FGG: variants seen among roughly 807,000 people sequenced by gnomAD.
FGG encodes the protein fibrinogen, gamma polypeptide.
In FGG, 20 loss-of-function variants were observed where a neutral mutation model predicts 51.7. The observed-to-expected ratio is 0.39, with a 90% CI of 0.27 to 0.56. The LOEUF (loss-of-function observed/expected upper bound fraction) is 0.56, where lower values mean the gene tolerates loss of function less well. Among genes scored for constraint, FGG ranks in the 20% least tolerant of loss-of-function variants. The pLI, the probability that FGG is intolerant of heterozygous loss-of-function variation, is 0.64. For missense variants in FGG, 460 were observed against 534.2 expected (o/e 0.86, Z 1.37); for synonymous variants, 184 against 184.7 (o/e 1.00, Z 0.03).
In FGG at chr4:154,612,210, A is replaced by T. The variant is rs772079391; in HGVS notation, c.124-9T>A. 1 of 1,609,404 alleles carries T rather than the reference A, an allele frequency of 6.2e-7. No homozygotes were observed. On this transcript the variant is annotated splice_polypyrimidine_tract_variant and intron_variant, in intron 2 of 8. Transcript: ENST00000336098. ...GTTGGACAATAACTACCCTGAAAAT[A>T]TAACAGTGATTAAAAATGTAGACAG...
intron 5 of FGG, 51 bp from the exon 6 acceptor site, chr4:154,609,814 G>A (rs1273170391): frequency 1.2e-6 from 2 of 1,613,338 alleles, no homozygotes; most frequent in African/African-American, 2.7e-5. Context: ...AGGTAAGACT[G>A]TGCCAGCCTT....
chr4:154,607,042 C>T (rs1332577069), intron 7 of FGG, 60 bp from the exon 8 acceptor site: 2 of 1,496,948 alleles, frequency 1.3e-6, no homozygotes, highest in Non-Finnish European at 1.8e-6. Flanking sequence ...TCAGAAGTTC[C>T]CTCTTTCGTA....
chr4:154,604,562 A>G lies in FGG; in HGVS notation c.*272T>C. ...ATTTACGAAGACAAAATAAATGACA[A>G]GTGGTCATAAAAATGCAAATAAAGT... On this transcript the variant is annotated 3_prime_UTR_variant, in exon 9 of 9. Coordinates refer to ENST00000336098, the MANE Select transcript of FGG (RefSeq NM_021870.3). 1 of 1,155,206 alleles carries G rather than the reference A, an allele frequency of 8.7e-7. No homozygotes were observed. The highest frequency in any genetic ancestry group is 3.0e-4 in the Middle Eastern group (1 of 3,318). 71.6% of individuals were successfully genotyped at this position (1,155,206 alleles called of 1,614,324 possible).
In FGG at chr4:154,612,611, A is replaced by T. The variant is rs1471249848; in HGVS notation, c.-2T>A. 7 of 1,613,628 alleles carry T rather than the reference A, an allele frequency of 4.3e-6. No homozygotes were observed. The highest frequency in any genetic ancestry group is 5.9e-6 in the Non-Finnish European group (7 of 1,179,746). The stretch of plus-strand genomic sequence containing the variant: ...CCGGGGGTGCAAGGACCAACTCATG[A>T]TGTCTGAGTGCCCGGAGCTCCGAGC... On this transcript the variant is annotated 5_prime_UTR_variant, in exon 1 of 9. Coordinates refer to ENST00000336098, the MANE Select transcript of FGG (RefSeq NM_021870.3).
chr4:154,612,134 T>C lies in FGG; in HGVS notation c.191A>G (p.Lys64Arg), dbSNP rs1465420768. 4.3e-6 allele frequency: 7 copies of C among 1,612,284 alleles called. No individual in the cohort carries two copies. Among genetic ancestry groups the C allele is most frequent in the Non-Finnish European group, 5.9e-6 (7 of 1,179,384 alleles). ...FLSTYQTKVDKDLQSLEDILH... is the reference protein window; with the variant it reads ...FLSTYQTKVDRDLQSLEDILH... The stretch of plus-strand genomic sequence containing the variant: ...GATGTCTTCCAAAGACTGTAGATCC[T>C]TGTCTACTTTGGTTTGATAAGTAGA... The change falls in exon 3 of 9, where the codon AAG becomes AGG. Residue 64 changes from lysine (K) to arginine (R), a missense_variant. By Grantham distance (26) the Lys-to-Arg change is conservative. This residue lies in a region of FGG where 353 missense variants were observed against 391.7 expected (regional missense o/e 0.90). Coordinates refer to ENST00000336098, the MANE Select transcript of FGG (RefSeq NM_021870.3).
Position 154,612,592 on chromosome 4 carries a change from G to A in FGG, c.18C>T (p.His6=), listed in dbSNP as rs756496862. The stretch of plus-strand genomic sequence containing the variant: ...AGAAGTAGAGAATTAAATTCCGGGG[G>A]TGCAAGGACCAACTCATGATGTCTG... The part of the protein sequence containing the change: MSWSL[H]PRNLILYFYA... Residue 6 remains histidine, a synonymous_variant, in exon 1 of 9, where the codon CAC becomes CAT. Coordinates refer to ENST00000336098, the MANE Select transcript of FGG (RefSeq NM_021870.3). 6.2e-7 allele frequency: 1 copy of A among 1,613,798 alleles called. No homozygotes were observed.
At chr4:154,609,543 G>A (rs1046196207) in intron 6 of FGG, 87 bp downstream of exon 6, 16 of 1,489,802 alleles carry the variant, frequency 1.1e-5, no homozygotes, top group African/African-American at 2.8e-5. Flanking sequence ...AATGAGCTAC[G>A]GTTCACAAGG....
Position 154,612,130 on chromosome 4 carries a change from A to T in FGG, c.195T>A (p.Asp65Glu), listed in dbSNP as rs563975687. The T allele has an allele frequency of 3.7e-6, 6 of 1,612,422 alleles. No homozygotes were observed. In the South Asian group the frequency reaches 6.6e-5, roughly 18 times the overall value. Residue 65 changes from aspartate (D) to glutamate (E), a missense_variant, in exon 3 of 9, where the codon GAT (aspartate) becomes GAA (glutamate). Around this residue, in one of 3 missense-constraint regions of FGG, gnomAD observed 353 missense variants for 391.7 expected, o/e 0.90. Transcript: ENST00000336098. ...GTAAGATGTCTTCCAAAGACTGTAG[A>T]TCCTTGTCTACTTTGGTTTGATAAG... ...LSTYQTKVDK[D>E]LQSLEDILHQ...
intron 5 of FGG, 69 bp from the exon 6 acceptor site, chr4:154,609,832 A>G: frequency 1.9e-6 from 3 of 1,605,866 alleles, no homozygotes; most frequent in Non-Finnish European, 2.6e-6. Context: ...CTTGAAAAAT[A>G]GCTTTTAACA....
At position 154,612,575 on chromosome 4, in the gene FGG, A is replaced by G. The variant is rs11551852; in HGVS notation, c.35T>C (p.Leu12Pro). The G allele has an allele frequency of 1.2e-6, 2 of 1,614,018 alleles. No individual in the cohort carries two copies. The highest frequency in any genetic ancestry group is 1.7e-6 in the Non-Finnish European group (2 of 1,179,916). ...GAGAAATAAAAGAGCATAGAAGTAG[A>G]GAATTAAATTCCGGGGGTGCAAGGA... ...SWSLHPRNLILYFYALLFLSS... is the reference protein window; with the variant it reads ...SWSLHPRNLIPYFYALLFLSS... The change falls in exon 1 of 9, where the codon CTC (leucine) becomes CCC (proline). Residue 12 changes from leucine to proline, a missense_variant. Transcript: ENST00000336098.
In FGG at chr4:154,612,148, T is replaced by C. The variant is rs781702629; in HGVS notation, c.177A>G (p.Gln59=). ...CGIADFLSTY[Q]TKVDKDLQSL... ...ACTGTAGATCCTTGTCTACTTTGGT[T>C]TGATAAGTAGACAGGAAATCTGCAA... The change falls in exon 3 of 9, where the codon CAA becomes CAG. Residue 59 remains glutamine, a synonymous_variant. Coordinates refer to ENST00000336098, the MANE Select transcript of FGG (RefSeq NM_021870.3). 1.9e-6 allele frequency: 3 copies of C among 1,611,936 alleles called. No homozygotes were observed. The highest frequency in any genetic ancestry group is 2.5e-6 in the Non-Finnish European group (3 of 1,179,164).
In FGG at chr4:154,612,566, T is replaced by C. The variant is rs1578813272; in HGVS notation, c.44A>G (p.Tyr15Cys). The C allele has an allele frequency of 6.2e-7, 1 of 1,613,858 alleles. No homozygotes were observed. The highest frequency in any genetic ancestry group is 1.1e-5 in the South Asian group (1 of 91,088). ...TGTTGAAGAGAGAAATAAAAGAGCA[T>C]AGAAGTAGAGAATTAAATTCCGGGG... is the stretch of plus-strand genomic sequence containing the variant. ...LHPRNLILYF[Y>C]ALLFLSSTCV... Residue 15 changes from tyrosine (Y) to cysteine (C), a missense_variant, in exon 1 of 9, where the codon TAT becomes TGT. Physicochemically the swap from Tyr to Cys is radical, Grantham distance 194 (BLOSUM62 -2). This residue lies in a region of FGG where 353 missense variants were observed against 391.7 expected (regional missense o/e 0.90). Transcript: ENST00000336098.
chr4:154,611,929 C>T (rs1560836798), intron 3 of FGG, 31 bp from the exon 4 acceptor site: 3 of 1,605,146 alleles, frequency 1.9e-6, no homozygotes, highest in Admixed American at 1.7e-5. Context: ...CATAAAAATC[C>T]TTAAGCAAAT....
At position 154,605,002 on chromosome 4, in the gene FGG, C is replaced by G; in HGVS notation, c.1194G>C (p.Trp398Cys). The G allele has an allele frequency of 1.2e-6, 2 of 1,614,020 alleles. No individual in the cohort carries two copies. Among genetic ancestry groups the G allele is most frequent in the East Asian group, 4.5e-5 (2 of 44,868 alleles). The change falls in exon 9 of 9, where the codon TGG becomes TGC. Residue 398 changes from tryptophan to cysteine, a missense_variant. Coordinates refer to ENST00000336098, the MANE Select transcript of FGG (RefSeq NM_021870.3). ...TCTTCATGGAATACCACCGGGTTTTCCAAGTGGCCCAAATAATGCCATTAT... is the reference window on the plus strand; with the variant it reads ...TCTTCATGGAATACCACCGGGTTTTGCAAGTGGCCCAAATAATGCCATTAT... ...GYDNGIIWAT[W>C]KTRWYSMKKT... is the part of the protein sequence containing the mutation.
intron 8 of FGG, 73 bp from the exon 9 acceptor site, chr4:154,605,139 C>A: frequency 6.5e-7 from 1 of 1,542,216 alleles, no homozygotes; most frequent in Non-Finnish European, 8.9e-7. Context: ...GAAGAGCTGT[C>A]TATTACGAAG....
intron 1 of FGG, 22 bp downstream of exon 1, chr4:154,612,510 G>A (rs368871366): frequency 9.3e-6 from 15 of 1,613,452 alleles, no homozygotes; most frequent in East Asian, 4.5e-5. Context: ...TTTAAACAAC[G>A]TTTTGTGAAG....
chr4:154,608,404 G>A (rs1731138514), intron 7 of FGG, 62 bp downstream of exon 7: 2 of 1,506,064 alleles, frequency 1.3e-6, no homozygotes, highest in African/African-American at 1.4e-5. Flanking sequence ...ATTGATAGTT[G>A]GAAAGTGCAC....
chr4:154,612,096 C>T lies in FGG; in HGVS notation c.229G>A (p.Glu77Lys), dbSNP rs1731226370. Residue 77 changes from glutamate to lysine, a missense_variant, in exon 3 of 9, where the codon GAA becomes AAA. Physicochemically the swap from Glu to Lys is moderately conservative, Grantham distance 56. Transcript: ENST00000336098. ...QSLEDILHQV[E>K]NKTSEVKQLI... ...TGTTTGACTTCTGATGTTTTGTTTT[C>T]AACTTGATGTAAGATGTCTTCCAAA... The T allele has an allele frequency of 1.2e-6, 2 of 1,612,532 alleles. No individual in the cohort carries two copies. The highest frequency in any genetic ancestry group is 1.7e-5 in the Admixed American group (1 of 59,888).
At chr4:154,607,172 C>A (rs1354625172) in intron 7 of FGG, among the ~76,000 whole-genome samples, 190 bp from the exon 8 acceptor site, 1 of 152,196 alleles carries the variant, frequency 6.6e-6, no homozygotes, top group Non-Finnish European at 1.5e-5. Context: ...AGCTCATTAA[C>A]ACTTCCCGGG....
Sources: gnomAD v4.1 joint callset for allele counts (sites outside exome capture counted in the v4.1 genomes callset) on GRCh38, gnomAD v4.1.1 for gene constraint, gnomAD v4.1.1 regional missense constraint, MANE v1.5 for transcripts, NCBI Gene and HGNC (gene_info 2026-07-23, HGNC 2026-07-21) for gene names.